PCDHA8: variants seen among roughly 807,000 people sequenced by gnomAD.
PCDHA8 encodes the protein protocadherin alpha 8, also known as protocadherin alpha-8.
In PCDHA8, 53 loss-of-function variants were observed where a neutral mutation model predicts 61.8. The ratio of observed to expected loss-of-function variants is 0.86; its 90% CI spans 0.69 to 1.08. The LOEUF (loss-of-function observed/expected upper bound fraction) is 1.08. Ranked by LOEUF, PCDHA8 falls within the 50% of genes least tolerant of loss-of-function variation. The probability of loss-of-function intolerance (pLI) is 0.00; values close to 1 mark genes in which losing one functional copy is unlikely to be tolerated. For missense variants in PCDHA8, 1,293 were observed against 1,245.0 expected, an observed-to-expected ratio of 1.04 and a Z score of -0.58; for synonymous variants, 618 against 556.6, an observed-to-expected ratio of 1.11 and a Z score of -1.55.
chr5:140,966,724 C>G (rs1357964806), intron 1 of PCDHA8: 25 of 1,396,170 alleles, frequency 1.8e-5, no homozygotes, highest in Non-Finnish European at 2.3e-5. Context: ...GGGAAGCTGC[C>G]GCCTCCGGCC....
In PCDHA8 at chr5:140,843,823, A is replaced by G; in HGVS notation, c.2394+108A>G. ...CACCGTATTTTATAGTGAAAATTTAAACATTGTTTAGTTTTTAGAAACCTT... is the reference window on the plus strand; with the variant it reads ...CACCGTATTTTATAGTGAAAATTTAGACATTGTTTAGTTTTTAGAAACCTT... On this transcript the variant is annotated intron_variant, in intron 1 of 3. Transcript: ENST00000531613. 4 of 1,201,188 alleles carry G rather than the reference A, an allele frequency of 3.3e-6. 1 individual carries two copies. The highest frequency in any genetic ancestry group is 4.7e-6 in the Non-Finnish European group (4 of 852,276). 74.4% of individuals were successfully genotyped at this position (1,201,188 alleles called of 1,614,324 possible). A position where few individuals can be genotyped will look rare whatever the true frequency, so the allele number is the denominator to read the frequency against.
intron 3 of PCDHA8, among the ~76,000 whole-genome samples, chr5:140,985,922 G>A (rs1361292887): frequency 6.6e-6 from 1 of 151,826 alleles, no homozygotes; most frequent in African/African-American, 2.4e-5. Flanking sequence ...TGTATTTTTA[G>A]TAGAGCCGGG....
In PCDHA8 at chr5:140,868,951, A is replaced by G; in HGVS notation, c.2394+25236A>G. On this transcript the variant is annotated intron_variant, in intron 1 of 3. Transcript: ENST00000531613. ...TAAAGGTTGGTCTGAACAGTGAGGC[A>G]CTCCCATACAAAGGAACTCCATCAT... 4.5e-6 allele frequency: 6 copies of G among 1,321,586 alleles called. No individual in the cohort carries two copies. The South Asian group carries it at 7.6e-5, about 17-fold the overall frequency. The allele number at this position is 1,321,586 out of a possible 1,614,324, so 81.9% of individuals were successfully genotyped here. A position where few individuals can be genotyped will look rare whatever the true frequency, so the allele number is the denominator to read the frequency against.
In PCDHA8 at chr5:141,010,490, A is replaced by C; in HGVS notation, c.*553A>C. 1.6e-6 allele frequency: 1 copy of C among 640,034 alleles called. No individual in the cohort carries two copies. The highest frequency in any genetic ancestry group is 2.4e-6 in the Non-Finnish European group (1 of 411,150). The allele number at this position is 640,034 out of a possible 1,614,324, so 39.6% of individuals were successfully genotyped here. On this transcript the variant is annotated 3_prime_UTR_variant, in exon 4 of 4. Coordinates refer to ENST00000531613, the MANE Select transcript of PCDHA8 (RefSeq NM_018911.3). ...GGAGGGGAAGTGTAAACTTAAAGGG[A>C]CCAGACTTTCTAAATCTTACAACTC...
At position 140,882,980 on chromosome 5, in the gene PCDHA8, A is replaced by T. The variant is rs782593392; in HGVS notation, c.2394+39265A>T. On this transcript the variant is annotated intron_variant, in intron 1 of 3. Coordinates refer to ENST00000531613, the MANE Select transcript of PCDHA8 (RefSeq NM_018911.3). ...CATCACGATTCTGGACGTGAATGAC[A>T]ACGCCCCGGAATTTTACCAATCCGT... 34 of 1,614,072 alleles carry T rather than the reference A, an allele frequency of 2.1e-5. No homozygotes were observed. Among genetic ancestry groups the T allele is most frequent in the African/African-American group, 2.7e-5 (2 of 74,926 alleles).
At chr5:140,849,723 G>A (rs1554143223) in intron 1 of PCDHA8, 1 of 1,598,414 alleles carries the variant, frequency 6.3e-7, no homozygotes. Flanking sequence ...GTTGGTGCTG[G>A]ACAGAGCTCT....
intron 3 of PCDHA8, among the ~76,000 whole-genome samples, chr5:140,987,919 A>G (rs1441531471): frequency 1.3e-5 from 2 of 152,082 alleles, no homozygotes; most frequent in East Asian, 3.9e-4. Context: ...TATATTCTTA[A>G]TTGTCTCAAG....
At chr5:141,000,857 A>G (rs1002294819) in intron 3 of PCDHA8, among the ~76,000 whole-genome samples, 7 of 152,132 alleles carry the variant, frequency 4.6e-5, no homozygotes, top group African/African-American at 1.7e-4. Context: ...GCAGTCAGCC[A>G]TGACCTCACC....
rs868965340 is a variant in PCDHA8, at chr5:141,007,276, G to A, written c.2543-2351G>A. On this transcript the variant is annotated intron_variant, in intron 3 of 3. Transcript: ENST00000531613. ...TAAAAGAAGCAGATACAGGCTGGGT[G>A]CAGTGGGCTCATGCCTGTAATCTTA... Among the ~76,000 whole-genome samples the A allele has an allele frequency of 3.3e-5, 5 of 151,858 alleles. No homozygotes were observed. In the South Asian group the frequency reaches 8.3e-4, roughly 25 times the overall value.
chr5:140,925,641 T>TATAATAATA (rs10569930), intron 1 of PCDHA8, among the ~76,000 whole-genome samples: 4,530 of 143,294 alleles, frequency 0.032, 85 homozygotes, highest in Middle Eastern at 0.043. Flanking sequence ...GAACTTAAAG[T>TATAATAATA]ATAATAATAA....
chr5:140,957,591 C>T (rs1554223040), intron 1 of PCDHA8, among the ~76,000 whole-genome samples: 1 of 151,946 alleles, frequency 6.6e-6, no homozygotes, highest in African/African-American at 2.4e-5. Flanking sequence ...CAAAGCACTT[C>T]CCAGAATAAA....
In PCDHA8 at chr5:140,871,383, G is replaced by C. The variant is rs200820570; in HGVS notation, c.2394+27668G>C. 9.3e-6 allele frequency: 15 copies of C among 1,614,204 alleles called. No homozygotes were observed. The highest frequency in any genetic ancestry group is 6.7e-5 in the East Asian group (3 of 44,886). Reference sequence around the variant, plus strand: ...AGAGGCGGCAGAGGGTGTGCTCTGAGGAGGGCCCACCTAAGACGGACCTCA... The same window carrying C: ...AGAGGCGGCAGAGGGTGTGCTCTGACGAGGGCCCACCTAAGACGGACCTCA... On this transcript the variant is annotated intron_variant, in intron 1 of 3. Coordinates refer to ENST00000531613, the MANE Select transcript of PCDHA8 (RefSeq NM_018911.3).
At chr5:140,877,155 C>T in intron 1 of PCDHA8, 2 of 1,613,798 alleles carry the variant, frequency 1.2e-6, no homozygotes, top group Non-Finnish European at 1.7e-6. Context: ...AGAACGACAA[C>T]GCGCCGGCAC....
intron 1 of PCDHA8, chr5:140,861,171 A>G (rs2046785081): frequency 6.3e-6 from 1 of 158,188 alleles, no homozygotes; most frequent in Non-Finnish European, 1.4e-5. Flanking sequence ...TCTCAGAGGA[A>G]CTAAGTCTTT....
chr5:140,877,323 C>T (rs782217893), intron 1 of PCDHA8: 2 of 1,613,988 alleles, frequency 1.2e-6, no homozygotes, highest in East Asian at 2.2e-5. Context: ...CGGCGGTCGG[C>T]GCGCACATCC....
intron 1 of PCDHA8, among the ~76,000 whole-genome samples, chr5:140,893,338 T>A (rs1409461265): frequency 1.3e-5 from 2 of 152,174 alleles, no homozygotes; most frequent in Non-Finnish European, 2.9e-5. Flanking sequence ...TTTTCCTTAG[T>A]GGCAGTGCTA....
intron 1 of PCDHA8, chr5:140,968,973 C>T (rs1404110882): frequency 4.3e-6 from 7 of 1,614,076 alleles, no homozygotes; most frequent in African/African-American, 2.7e-5. Flanking sequence ...CGCTACACTG[C>T]GTATGGCACT....
At chr5:140,899,693 A>G (rs1269311819) in intron 1 of PCDHA8, among the ~76,000 whole-genome samples, 1 of 152,240 alleles carries the variant, frequency 6.6e-6, no homozygotes, top group East Asian at 1.9e-4. Flanking sequence ...TGCTGGCCTC[A>G]TAAAATGAGT....
intron 1 of PCDHA8, among the ~76,000 whole-genome samples, chr5:140,899,678 G>C (rs1554188694): frequency 6.6e-6 from 1 of 152,210 alleles, no homozygotes; most frequent in Non-Finnish European, 1.5e-5. Flanking sequence ...TTGGTATCAG[G>C]ATGATGCTGG....
Sources: allele counts gnomAD v4.1 joint callset (sites outside exome capture counted in the v4.1 genomes callset), GRCh38; gene constraint gnomAD v4.1.1; transcripts MANE v1.5; gene names NCBI Gene and HGNC (gene_info 2026-07-23, HGNC 2026-07-21).